FOXP1: variants seen among roughly 807,000 people sequenced by gnomAD.
The protein encoded by FOXP1 is forkhead box P1.
A neutral mutation model predicts 98.2 loss-of-function variants in FOXP1; 15 were observed. The observed-to-expected ratio is 0.15, with a 90% CI of 0.10 to 0.24. The LOEUF (loss-of-function observed/expected upper bound fraction) is 0.24, where lower values mean the gene tolerates loss of function less well. Ranked by LOEUF, FOXP1 falls within the 10% of genes least tolerant of loss-of-function variation. The pLI is 1.00. For missense variants in FOXP1, 633 were observed against 848.5 expected, an observed-to-expected ratio of 0.75 and a Z score of 3.15; for synonymous variants, 371 against 314.5, an observed-to-expected ratio of 1.18 and a Z score of -1.90.
chr3:71,460,599 G>C (rs2087984838), intron 3 of FOXP1, among the ~76,000 whole-genome samples: 1 of 152,152 alleles, frequency 6.6e-6, no homozygotes, highest in East Asian at 1.9e-4. Context: ...GCCAGGCTTG[G>C]CTAACTTTTT....
chr3:70,959,648 C>A (rs184288896), intron 20 of FOXP1, among the ~76,000 whole-genome samples: 1 of 152,228 alleles, frequency 6.6e-6, no homozygotes, highest in African/African-American at 2.4e-5. Context: ...CTGGCCAGCA[C>A]AGAGACAGAC....
rs540695167 is a variant in FOXP1, at chr3:71,548,049, A to G, written c.-298+33500T>C. On this transcript the variant is annotated intron_variant, in intron 2 of 20. Coordinates refer to ENST00000649528, the MANE Select transcript of FOXP1 (RefSeq NM_001349338.3). ...AGAGAGAGAGGATGAGGCAATCTGC[A>G]GTTCCTCTTTGGCTGGGGCCTCTCA... Among the ~76,000 whole-genome samples, 4 of 152,348 alleles carry G rather than the reference A, an allele frequency of 2.6e-5. 1 individual carries two copies. The South Asian group carries it at 8.3e-4, about 32-fold the overall frequency.
intron 3 of FOXP1, among the ~76,000 whole-genome samples, chr3:71,396,165 C>T (rs896169842): frequency 1.3e-5 from 2 of 151,680 alleles, no homozygotes; most frequent in African/African-American, 4.9e-5. Context: ...ACTCTGCTAC[C>T]GGACTACACA....
intron 3 of FOXP1, among the ~76,000 whole-genome samples, chr3:71,426,134 T>G (rs1362109580): frequency 6.6e-6 from 1 of 152,200 alleles, no homozygotes; most frequent in African/African-American, 2.4e-5. Context: ...ACCTAAGAGC[T>G]AGAAAACAGG....
intron 5 of FOXP1, among the ~76,000 whole-genome samples, chr3:71,217,277 T>TGG (rs1170753278): frequency 6.6e-6 from 1 of 152,156 alleles, no homozygotes; most frequent in African/African-American, 2.4e-5. Context: ...TTCATCATGT[T>TGG]GGCCTGGTTG....
rs61281811 is a variant in FOXP1, at chr3:71,200,083, C to CAAAAAAAA, written c.-11-1699_-11-1692dup. On this transcript the variant is annotated intron_variant, in intron 5 of 20. Transcript: ENST00000649528. ...AGCTACAGAGCGAGACTCCATCTCA[C>CAAAAAAAA]AAAAAAAAAAAAAAAAAAAAAAGAG... is the stretch of plus-strand genomic sequence containing the variant. Among the ~76,000 whole-genome samples the CAAAAAAAA allele has an allele frequency of 4.1e-3, 312 of 75,774 alleles. 2 individuals are homozygous for CAAAAAAAA. Among genetic ancestry groups the CAAAAAAAA allele is most frequent in the Non-Finnish European group, 5.8e-3 (250 of 42,750 alleles). 49.7% of individuals were successfully genotyped at this position (75,774 alleles called of 152,430 possible). A position where few individuals can be genotyped will look rare whatever the true frequency, so the allele number is the denominator to read the frequency against.
chr3:71,064,764 G>A (rs2052145471), intron 7 of FOXP1: 1 of 983,942 alleles, frequency 1.0e-6, no homozygotes, highest in African/African-American at 1.7e-5. Flanking sequence ...CCAGGAAGCG[G>A]GCGCCGCGGA....
intron 5 of FOXP1, among the ~76,000 whole-genome samples, chr3:71,215,554 C>T (rs954480604): frequency 6.6e-6 from 1 of 152,176 alleles, no homozygotes; most frequent in South Asian, 2.1e-4. Flanking sequence ...ATTACTAGCT[C>T]ATAAAACCCA....
intron 3 of FOXP1, among the ~76,000 whole-genome samples, chr3:71,493,127 AC>A (rs1301917236): frequency 1.3e-5 from 2 of 152,108 alleles, no homozygotes; most frequent in Non-Finnish European, 2.9e-5. Context: ...TTGTAATGGG[AC>A]CAAAAAAACA....
chr3:71,115,422 T>C (rs2058298054), intron 6 of FOXP1, among the ~76,000 whole-genome samples: 1 of 151,884 alleles, frequency 6.6e-6, no homozygotes, highest in Non-Finnish European at 1.5e-5. Context: ...CTGCAACCTC[T>C]GCCTCCCGGG....
chr3:70,974,789 T>TTAAAA (rs1488539251), intron 17 of FOXP1, among the ~76,000 whole-genome samples: 7 of 152,176 alleles, frequency 4.6e-5, no homozygotes, highest in African/African-American at 1.7e-4. Flanking sequence ...GCTTGATGCT[T>TTAAAA]TAAAATAAGT....
intron 6 of FOXP1, among the ~76,000 whole-genome samples, chr3:71,121,573 A>G (rs2058777607): frequency 2.0e-5 from 3 of 152,138 alleles, no homozygotes; most frequent in Admixed American, 2.0e-4. Context: ...TCTTGGAGCC[A>G]GTGCCAGACG....
chr3:71,509,371 C>T (rs1359367223), intron 2 of FOXP1, among the ~76,000 whole-genome samples: 4 of 152,300 alleles, frequency 2.6e-5, no homozygotes, highest in South Asian at 2.1e-4. Context: ...TGTCATCACA[C>T]GGTCTTCCCG....
At chr3:71,368,435 G>T (rs1172482149) in intron 3 of FOXP1, among the ~76,000 whole-genome samples, 2 of 152,038 alleles carry the variant, frequency 1.3e-5, no homozygotes, top group Non-Finnish European at 2.9e-5. Flanking sequence ...CCTTAGTTGG[G>T]ATTTAAATGA....
intron 11 of FOXP1, among the ~76,000 whole-genome samples, chr3:71,028,177 T>A (rs1292054149): frequency 1.3e-5 from 2 of 152,164 alleles, no homozygotes; most frequent in Non-Finnish European, 2.9e-5. Context: ...ATAAAATAGC[T>A]TATATTGGGC....
At chr3:71,288,333 G>C (rs572076822) in intron 5 of FOXP1, 3 of 152,160 alleles carry the variant, frequency 2.0e-5, no homozygotes, top group Non-Finnish European at 2.9e-5. Context: ...GGATGCTTGA[G>C]GATTTGCGAC....
At chr3:71,297,585 A>T (rs186749301) in intron 5 of FOXP1, among the ~76,000 whole-genome samples, 20 of 148,522 alleles carry the variant, frequency 1.3e-4, no homozygotes, top group African/African-American at 4.9e-4. Flanking sequence ...TAAACTTTTC[A>T]TCTTTTCTAC....
intron 5 of FOXP1, among the ~76,000 whole-genome samples, chr3:71,214,049 G>C (rs192138325): frequency 2.0e-5 from 3 of 152,246 alleles, no homozygotes; most frequent in African/African-American, 7.2e-5. Context: ...GATTGAACTT[G>C]GAATCTGAGA....
intron 3 of FOXP1, among the ~76,000 whole-genome samples, chr3:71,444,911 G>C (rs892949682): frequency 3.3e-5 from 5 of 152,180 alleles, no homozygotes; most frequent in Non-Finnish European, 7.3e-5. Flanking sequence ...GGAGGGTAGA[G>C]GGTTCAAGAA....
Sources: allele counts gnomAD v4.1 joint callset (sites outside exome capture counted in the v4.1 genomes callset), GRCh38; gene constraint gnomAD v4.1.1; transcripts MANE v1.5; gene names NCBI Gene and HGNC (gene_info 2026-07-23, HGNC 2026-07-21).